Variants in CYSTM1 observed in about 807,000 individuals in gnomAD.
The protein encoded by CYSTM1 is cysteine rich transmembrane module containing 1.
CYSTM1 carries 4 observed loss-of-function variants against 13.1 expected under a neutral mutation model. The ratio of observed to expected loss-of-function variants is 0.31; its 90% CI spans 0.15 to 0.70. CYSTM1 has a LOEUF of 0.70. Ranked by LOEUF, CYSTM1 falls within the 30% of genes least tolerant of loss-of-function variation. CYSTM1 has a pLI of 0.72. For synonymous variants in CYSTM1, 36 were observed against 42.7 expected, an observed-to-expected ratio of 0.84 and a Z score of 0.62; for missense variants, 96 against 121.6, an observed-to-expected ratio of 0.79 and a Z score of 0.99.
At chr5:140,192,950 G>A (rs1377174349) in intron 1 of CYSTM1, among the ~76,000 whole-genome samples, 4 of 152,182 alleles carry the variant, frequency 2.6e-5, no homozygotes, top group African/African-American at 9.7e-5. Context: ...TGGATGTTGT[G>A]TGGGCAACCA....
intron 2 of CYSTM1, among the ~76,000 whole-genome samples, chr5:140,204,147 G>A (rs536094432): frequency 4.6e-5 from 7 of 152,114 alleles, no homozygotes; most frequent in East Asian, 1.9e-4. Flanking sequence ...CAGGAGCATC[G>A]CTTGAGGCCA....
intron 2 of CYSTM1, among the ~76,000 whole-genome samples, chr5:140,210,338 A>G (rs368181072): frequency 1.3e-5 from 2 of 152,134 alleles, no homozygotes; most frequent in East Asian, 1.9e-4. Context: ...TGTCCTGTGT[A>G]TTGTAGGATG....
At chr5:140,223,267 C>T (rs911767385) in intron 2 of CYSTM1, among the ~76,000 whole-genome samples, 3 of 152,210 alleles carry the variant, frequency 2.0e-5, no homozygotes, top group Non-Finnish European at 2.9e-5. Flanking sequence ...TTCTCTTCTG[C>T]TCTTCTCAGG....
chr5:140,224,956 G>C (rs548984226), intron 2 of CYSTM1, among the ~76,000 whole-genome samples: 8 of 152,336 alleles, frequency 5.3e-5, no homozygotes, highest in South Asian at 2.1e-4. Flanking sequence ...CCAAGCAGGA[G>C]GATGGCTTGA....
At chr5:140,194,306 C>A (rs1764126402) in intron 1 of CYSTM1, 140 bp from the exon 2 acceptor site, 5 of 766,238 alleles carry the variant, frequency 6.5e-6, no homozygotes, top group South Asian at 4.8e-5. Context: ...GAGAAGGAAA[C>A]AAAATGGGCA....
chr5:140,176,330 G>A (rs1262435945), intron 1 of CYSTM1, among the ~76,000 whole-genome samples: 2 of 152,290 alleles, frequency 1.3e-5, no homozygotes, highest in African/African-American at 2.4e-5. Context: ...CAGGCAGCCA[G>A]GTGCCTTTTT....
At chr5:140,195,133 G>A (rs1200933538) in intron 2 of CYSTM1, among the ~76,000 whole-genome samples, 3 of 152,088 alleles carry the variant, frequency 2.0e-5, no homozygotes, top group Non-Finnish European at 4.4e-5. Context: ...AGGCTCTTGA[G>A]TCCTTCTTGT....
intron 2 of CYSTM1, among the ~76,000 whole-genome samples, chr5:140,197,327 A>G (rs975180341): frequency 6.6e-6 from 1 of 152,226 alleles, no homozygotes; most frequent in Non-Finnish European, 1.5e-5. Flanking sequence ...AATTCTTTTT[A>G]GGGTTAAAAG....
chr5:140,199,661 G>A (rs955264961), intron 2 of CYSTM1, among the ~76,000 whole-genome samples: 5 of 152,172 alleles, frequency 3.3e-5, no homozygotes, highest in Non-Finnish European at 7.3e-5. Context: ...TGTAATTTTT[G>A]TATTTTTAGT....
At chr5:140,233,094 G>A (rs976177943) in intron 2 of CYSTM1, among the ~76,000 whole-genome samples, 2 of 152,154 alleles carry the variant, frequency 1.3e-5, no homozygotes, top group Admixed American at 1.3e-4. Context: ...CTCCAGTCTG[G>A]AAAATAGATA....
intron 2 of CYSTM1, among the ~76,000 whole-genome samples, chr5:140,216,470 G>T (rs1456066703): frequency 1.3e-5 from 2 of 152,212 alleles, no homozygotes; most frequent in Non-Finnish European, 2.9e-5. Flanking sequence ...CAGTTTGGCA[G>T]GGGATGGGGG....
rs777789747 is a variant in CYSTM1, at chr5:140,243,428, G to A, written c.*17G>A. 11 of 1,610,264 alleles carry A rather than the reference G, an allele frequency of 6.8e-6. No individual in the cohort carries two copies. Among genetic ancestry groups the A allele is most frequent in the Middle Eastern group, 1.7e-4 (1 of 5,966 alleles). ...CTCACCTGACCAGACCAGCCCAGCC[G>A]TCCTGTCCTGCCAGCTCTGCTGCCA... On this transcript the variant is annotated 3_prime_UTR_variant, in exon 3 of 3. Transcript: ENST00000261811.
intron 2 of CYSTM1, among the ~76,000 whole-genome samples, chr5:140,237,490 T>C (rs1449450928): frequency 6.6e-6 from 1 of 152,212 alleles, no homozygotes; most frequent in Non-Finnish European, 1.5e-5. Context: ...TTCCCTTCTT[T>C]GAACTCAGCA....
In CYSTM1 at chr5:140,175,530, C is replaced by G. The variant is rs1763869741; in HGVS notation, c.-21+245C>G. 6.6e-6 allele frequency among the ~76,000 whole-genome samples: 1 copy of G among 152,250 alleles called. No homozygotes were observed. Among genetic ancestry groups the G allele is most frequent in the South Asian group, 2.1e-4 (1 of 4,838 alleles). On this transcript the variant is annotated intron_variant, in intron 1 of 2. Transcript: ENST00000261811. This position sits in a 1 kb window ranked among gnomAD's most constrained non-coding sequence, Gnocchi z 4.9. The stretch of plus-strand genomic sequence containing the variant: ...TGGGGCTCCTGGTCGCCGCGCCGCG[C>G]GTCTCGGCGGTGGACTCACAGGGTC...
chr5:140,186,757 G>GA (rs1323077565), intron 1 of CYSTM1, among the ~76,000 whole-genome samples: 1 of 145,860 alleles, frequency 6.9e-6, no homozygotes, highest in Admixed American at 7.0e-5. Flanking sequence ...ATGACTGTGT[G>GA]AATGGAATAA....
chr5:140,197,384 G>A (rs1024874843), intron 2 of CYSTM1, among the ~76,000 whole-genome samples: 4 of 152,204 alleles, frequency 2.6e-5, no homozygotes, highest in Admixed American at 2.0e-4. Flanking sequence ...CACAAATGCA[G>A]TTGAAAGCTG....
chr5:140,179,798 C>T (rs1013373019), intron 1 of CYSTM1, among the ~76,000 whole-genome samples: 9 of 151,596 alleles, frequency 5.9e-5, no homozygotes, highest in African/African-American at 1.9e-4. Context: ...GTAGCTGGGA[C>T]TACAGGCATG....
intron 2 of CYSTM1, among the ~76,000 whole-genome samples, chr5:140,226,171 CTCT>C (rs1561816255): frequency 3.9e-5 from 6 of 152,190 alleles, no homozygotes; most frequent in Admixed American, 3.3e-4. Flanking sequence ...CATGCATAAT[CTCT>C]TCATTTTCCC....
At chr5:140,195,536 G>T (rs777914059) in intron 2 of CYSTM1, among the ~76,000 whole-genome samples, 23 of 150,560 alleles carry the variant, frequency 1.5e-4, no homozygotes, top group Admixed American at 3.3e-4. Context: ...CCGCCTCCTG[G>T]GTTCACGCCG....
Sources: allele counts gnomAD v4.1 joint callset (sites outside exome capture counted in the v4.1 genomes callset), GRCh38; gene constraint gnomAD v4.1.1; non-coding constraint Gnocchi (gnomAD v3.1); transcripts MANE v1.5; gene names NCBI Gene and HGNC (gene_info 2026-07-23, HGNC 2026-07-21).